SERINC5: variants seen among roughly 807,000 people sequenced by gnomAD.
The protein encoded by SERINC5 is chromosome 5 open reading frame 12.
In SERINC5, 41 loss-of-function variants were observed where a neutral mutation model predicts 63.1. The ratio of observed to expected loss-of-function variants is 0.65; its 90% CI spans 0.51 to 0.84. The LOEUF (loss-of-function observed/expected upper bound fraction) is 0.84, where lower values mean the gene tolerates loss of function less well. SERINC5 is among the 40% of genes least tolerant of loss of function. The pLI is 0.00. For missense variants in SERINC5, 523 were observed against 573.0 expected, an observed-to-expected ratio of 0.91 and a Z score of 0.89; for synonymous variants, 222 against 215.2, an observed-to-expected ratio of 1.03 and a Z score of -0.28.
intron 4 of SERINC5, among the ~76,000 whole-genome samples, chr5:80,175,793 G>A (rs548606323): frequency 6.6e-6 from 1 of 150,598 alleles, no homozygotes; most frequent in African/African-American, 2.5e-5. Flanking sequence ...GAACCTGTGA[G>A]GTGGAGGTCA....
intron 4 of SERINC5, among the ~76,000 whole-genome samples, chr5:80,176,966 T>C (rs1748074985): frequency 6.6e-6 from 1 of 152,202 alleles, no homozygotes; most frequent in Non-Finnish European, 1.5e-5. Context: ...GACTGAAAGA[T>C]GCTTTTCCTG....
intron 1 of SERINC5, among the ~76,000 whole-genome samples, chr5:80,248,294 A>C (rs138702307): frequency 2.8e-4 from 43 of 152,310 alleles, no homozygotes; most frequent in African/African-American, 8.7e-4. Context: ...AGGTGACTTG[A>C]ACGACTTGAA....
chr5:80,233,224 G>A (rs577071764), intron 1 of SERINC5, among the ~76,000 whole-genome samples: 97 of 152,244 alleles, frequency 6.4e-4, no homozygotes, highest in African/African-American at 2.1e-3. Context: ...TCGAGAGTTC[G>A]AGACCAGCCT....
intron 1 of SERINC5, among the ~76,000 whole-genome samples, chr5:80,206,237 C>A (rs185479194): frequency 2.6e-5 from 4 of 152,182 alleles, no homozygotes; most frequent in Non-Finnish European, 4.4e-5. Flanking sequence ...AAGTTTGAGA[C>A]TCTGCAAGGC....
At chr5:80,224,642 T>A (rs1456126189) in intron 1 of SERINC5, among the ~76,000 whole-genome samples, 2 of 152,074 alleles carry the variant, frequency 1.3e-5, no homozygotes, top group Non-Finnish European at 2.9e-5. Context: ...CTTTTTTTTT[T>A]AAAGACGGAA....
intron 10 of SERINC5, among the ~76,000 whole-genome samples, chr5:80,146,746 G>A (rs1042117484): frequency 1.3e-4 from 20 of 152,204 alleles, no homozygotes; most frequent in African/African-American, 1.9e-4. Flanking sequence ...ATAAGCCACC[G>A]TGCCTGCCCT....
chr5:80,255,981 G>C lies in SERINC5; in HGVS notation c.-59C>G. On this transcript the variant is annotated 5_prime_UTR_variant, in exon 1 of 12. Coordinates refer to ENST00000507668, the MANE Select transcript of SERINC5 (RefSeq NM_001174072.3). ...CTCCCCGCGCCGCACGGGCCCTCCT[G>C]GCTGCCTCGCGCCTCGAGCGCTGGG... 6.9e-7 allele frequency: 1 copy of C among 1,455,622 alleles called. No individual in the cohort carries two copies. The highest frequency in any genetic ancestry group is 9.0e-7 in the Non-Finnish European group (1 of 1,109,688). 90.2% of individuals were successfully genotyped at this position (1,455,622 alleles called of 1,614,324 possible). A position where few individuals can be genotyped will look rare whatever the true frequency, so the allele number is the denominator to read the frequency against.
chr5:80,221,073 G>T (rs1750879685), intron 1 of SERINC5, among the ~76,000 whole-genome samples: 1 of 152,188 alleles, frequency 6.6e-6, no homozygotes, highest in Admixed American at 6.5e-5. Flanking sequence ...ACTCGGCCAT[G>T]CTAGAGGACC....
chr5:80,249,072 T>TG (rs1752281675), intron 1 of SERINC5, among the ~76,000 whole-genome samples: 1 of 152,146 alleles, frequency 6.6e-6, no homozygotes, highest in Non-Finnish European at 1.5e-5. Flanking sequence ...CCCAGCACTT[T>TG]GGGAGGCCAA....
intron 1 of SERINC5, among the ~76,000 whole-genome samples, chr5:80,236,781 C>A (rs1751710552): frequency 6.6e-6 from 1 of 152,098 alleles, no homozygotes; most frequent in African/African-American, 2.4e-5. Flanking sequence ...CCCGCCTCCG[C>A]CTCTCAAAGT....
At chr5:80,253,077 G>A (rs1752502547) in intron 1 of SERINC5, among the ~76,000 whole-genome samples, 1 of 152,046 alleles carries the variant, frequency 6.6e-6, no homozygotes, top group African/African-American at 2.4e-5. Context: ...CTTCACCTCA[G>A]TAATGCGATC....
intron 1 of SERINC5, among the ~76,000 whole-genome samples, chr5:80,209,164 A>G (rs535184514): frequency 6.6e-6 from 1 of 152,298 alleles, no homozygotes; most frequent in African/African-American, 2.4e-5. Flanking sequence ...CCAGCTTCTG[A>G]GGAGTCTGAG....
chr5:80,190,561 G>T (rs186550664), intron 2 of SERINC5, among the ~76,000 whole-genome samples: 1 of 152,150 alleles, frequency 6.6e-6, no homozygotes, highest in African/African-American at 2.4e-5. Context: ...AGGGGGATAC[G>T]AGCTGTGAAT....
intron 11 of SERINC5, among the ~76,000 whole-genome samples, chr5:80,126,363 A>G (rs910973503): frequency 2.1e-4 from 32 of 152,340 alleles, no homozygotes; most frequent in African/African-American, 6.7e-4. Flanking sequence ...TGCCAAAGAG[A>G]AATGTAAGCT....
intron 1 of SERINC5, among the ~76,000 whole-genome samples, chr5:80,207,565 GGTT>G (rs1259791580): frequency 2.0e-5 from 3 of 152,080 alleles, no homozygotes; most frequent in Non-Finnish European, 2.9e-5. Context: ...AAGCCCTATT[GGTT>G]TAACCCTATT....
At chr5:80,200,451 G>A (rs7720232) in intron 2 of SERINC5, among the ~76,000 whole-genome samples, 43,393 of 149,226 alleles carry the variant, frequency 0.29, 6,597 homozygotes, top group African/African-American at 0.31. Flanking sequence ...GCACCACTGC[G>A]CTCCAGCCTG....
At chr5:80,206,479 G>A (rs545237159) in intron 1 of SERINC5, among the ~76,000 whole-genome samples, 1 of 152,064 alleles carries the variant, frequency 6.6e-6, no homozygotes, top group African/African-American at 2.4e-5. Context: ...TCCATCTTAC[G>A]TCCGATTTTC....
chr5:80,234,314 G>A (rs770944706), intron 1 of SERINC5, among the ~76,000 whole-genome samples: 8 of 152,036 alleles, frequency 5.3e-5, no homozygotes, highest in African/African-American at 7.2e-5. Flanking sequence ...TGGCGTACCC[G>A]TTTTTTCCAG....
In SERINC5 at chr5:80,156,393, G is replaced by C. The variant is rs181211355; in HGVS notation, c.986+2443C>G. On this transcript the variant is annotated intron_variant, in intron 8 of 11. Transcript: ENST00000507668. ...TTTATTCCCAGGCCCTACAAAGCCTGAATTTAGTGTTCTTAAAGCTGACCC... is the reference window on the plus strand; with the variant it reads ...TTTATTCCCAGGCCCTACAAAGCCTCAATTTAGTGTTCTTAAAGCTGACCC... Among the ~76,000 whole-genome samples the C allele has an allele frequency of 1.8e-4, 27 of 152,280 alleles. No individual in the cohort carries two copies. In the East Asian group the frequency reaches 4.8e-3, roughly 27 times the overall value.
Sources: gnomAD v4.1 joint callset for allele counts (sites outside exome capture counted in the v4.1 genomes callset) on GRCh38, gnomAD v4.1.1 for gene constraint, MANE v1.5 for transcripts, NCBI Gene and HGNC (gene_info 2026-07-23, HGNC 2026-07-21) for gene names.